The following TMEM132D variants were observed in gnomAD, a reference collection of about 807,000 sequenced individuals.
TMEM132D encodes transmembrane protein 132D, also known as mature OL transmembrane protein.
In TMEM132D, 21 loss-of-function variants were observed where a neutral mutation model predicts 62.3. That is an observed-to-expected ratio of 0.34 (90% CI 0.24 to 0.49). The LOEUF is 0.49. Among genes scored for constraint, TMEM132D ranks in the 20% least tolerant of loss-of-function variants. The probability of loss-of-function intolerance (pLI) is 0.99; values close to 1 mark genes in which losing one functional copy is unlikely to be tolerated. For synonymous variants in TMEM132D, 621 were observed against 575.6 expected (o/e 1.08, Z -1.13); for missense variants, 1,346 against 1,402.8 (o/e 0.96, Z 0.65).
intron 4 of TMEM132D, among the ~76,000 whole-genome samples, chr12:129,284,684 T>C (rs73422215): frequency 0.045 from 6,800 of 152,284 alleles, 472 homozygotes; most frequent in African/African-American, 0.15. Context: ...GGCGGATGCA[T>C]GGATTAACAA....
chr12:129,784,519 C>T (rs2137293429), intron 1 of TMEM132D, among the ~76,000 whole-genome samples: 1 of 152,278 alleles, frequency 6.6e-6, no homozygotes, highest in Admixed American at 6.5e-5. Context: ...TCTTTGCATG[C>T]CTTAGGGCTA....
chr12:129,470,714 C>G lies in TMEM132D; in HGVS notation c.1115+60345G>C, dbSNP rs527382515. On this transcript the variant is annotated intron_variant, in intron 3 of 8. Coordinates refer to ENST00000422113, the MANE Select transcript of TMEM132D (RefSeq NM_133448.3). ...CAACATGAAAATTATTTTTACAATT[C>G]TATAAACTGCTTCTGACATAAGAAA... 3.6e-4 allele frequency among the ~76,000 whole-genome samples: 55 copies of G among 152,280 alleles called. 1 individual carries two copies. Among genetic ancestry groups the G allele is most frequent in the Admixed American group, 2.5e-3 (38 of 15,292 alleles).
At chr12:129,861,209 T>C (rs1192842454) in intron 1 of TMEM132D, among the ~76,000 whole-genome samples, 1 of 151,044 alleles carries the variant, frequency 6.6e-6, no homozygotes, top group Admixed American at 6.6e-5. Flanking sequence ...TTTTAACAGT[T>C]AGAAATAGAT....
At chr12:129,377,695 T>C (rs1196597343) in intron 3 of TMEM132D, among the ~76,000 whole-genome samples, 2 of 152,174 alleles carry the variant, frequency 1.3e-5, no homozygotes, top group African/African-American at 4.8e-5. Context: ...TTGTGGTGAG[T>C]GTAAATCTTT....
At chr12:129,737,463 C>G (rs1252377451) in intron 1 of TMEM132D, among the ~76,000 whole-genome samples, 1 of 152,188 alleles carries the variant, frequency 6.6e-6, no homozygotes, top group Non-Finnish European at 1.5e-5. Context: ...GATAAGGAAT[C>G]TCCAGGCTTG....
chr12:129,414,575 T>C (rs1038500949), intron 3 of TMEM132D, among the ~76,000 whole-genome samples: 1 of 152,238 alleles, frequency 6.6e-6, no homozygotes, highest in Non-Finnish European at 1.5e-5. Context: ...GATAGACACA[T>C]ATGTTGTGAA....
At chr12:129,529,020 G>A (rs1388416685) in intron 3 of TMEM132D, among the ~76,000 whole-genome samples, 1 of 152,158 alleles carries the variant, frequency 6.6e-6, no homozygotes, top group Admixed American at 6.5e-5. Flanking sequence ...ATAATATGCT[G>A]TATGCATGTA....
intron 2 of TMEM132D, among the ~76,000 whole-genome samples, chr12:129,663,213 C>G (rs1337149200): frequency 6.6e-6 from 1 of 152,176 alleles, no homozygotes; most frequent in Non-Finnish European, 1.5e-5. Flanking sequence ...TCTTGGCTCT[C>G]CGCAGCCTCC....
chr12:129,821,511 C>T (rs1385129768), intron 1 of TMEM132D, among the ~76,000 whole-genome samples: 3 of 152,192 alleles, frequency 2.0e-5, no homozygotes, highest in Non-Finnish European at 2.9e-5. Flanking sequence ...GTCTGCACAT[C>T]GGTTGCCTGG....
chr12:129,833,112 T>C (rs906817565), intron 1 of TMEM132D, among the ~76,000 whole-genome samples: 8 of 152,222 alleles, frequency 5.3e-5, no homozygotes, highest in Non-Finnish European at 1.2e-4. Context: ...TGGTTTAGTG[T>C]GTGCTCCACA....
intron 1 of TMEM132D, among the ~76,000 whole-genome samples, chr12:129,772,870 C>T (rs1383440825): frequency 6.6e-6 from 1 of 152,216 alleles, no homozygotes; most frequent in Non-Finnish European, 1.5e-5. Flanking sequence ...GCTCGGACTT[C>T]CTCCCACATC....
At position 129,082,004 on chromosome 12, in the gene TMEM132D, C is replaced by G. The variant is rs374617296; in HGVS notation, c.1678G>C (p.Asp560His). Reference protein sequence around the residue: ...RPAGDSEEEEDDERRGRGCTL... With the variant: ...RPAGDSEEEEHDERRGRGCTL... The stretch of plus-strand genomic sequence containing the variant: ...CAGCCGCGGCCCCTCCGCTCATCAT[C>G]CTCCTCCTCTTCACTGTCCCCGGCA... The change falls in exon 7 of 9, where the codon GAT (aspartate) becomes CAT (histidine). Residue 560 changes from aspartate to histidine, a missense_variant. Physicochemically the swap from Asp to His is moderately conservative, Grantham distance 81. Transcript: ENST00000422113. 2 of 1,611,104 alleles carry G rather than the reference C, an allele frequency of 1.2e-6. No individual in the cohort carries two copies. Among genetic ancestry groups the G allele is most frequent in the Non-Finnish European group, 1.7e-6 (2 of 1,178,138 alleles).
At chr12:129,888,823 C>T (rs770448621) in intron 1 of TMEM132D, among the ~76,000 whole-genome samples, 3 of 152,206 alleles carry the variant, frequency 2.0e-5, no homozygotes, top group African/African-American at 4.8e-5. Context: ...AACTCTTCCC[C>T]TACTTTCATA....
intron 4 of TMEM132D, among the ~76,000 whole-genome samples, chr12:129,291,148 TCAGTCAATGGGGCACGGC>T (rs766906379): frequency 2.0e-5 from 3 of 152,186 alleles, no homozygotes; most frequent in Non-Finnish European, 4.4e-5. Flanking sequence ...AAACTCCCCA[TCAGTCAATGGGGCACGGC>T]TGGAGAAATA....
intron 4 of TMEM132D, among the ~76,000 whole-genome samples, chr12:129,288,056 T>C (rs190563949): frequency 1.6e-4 from 25 of 152,362 alleles, no homozygotes; most frequent in African/African-American, 6.0e-4. Flanking sequence ...TGTAAGTTTT[T>C]AAAACCTGGA....
At chr12:129,678,177 A>T (rs1036296489) in intron 2 of TMEM132D, among the ~76,000 whole-genome samples, 1 of 152,138 alleles carries the variant, frequency 6.6e-6, no homozygotes, top group African/African-American at 2.4e-5. Flanking sequence ...TTTCTCTCAG[A>T]CACCTTAGAA....
At chr12:129,607,441 G>A (rs893528918) in intron 2 of TMEM132D, among the ~76,000 whole-genome samples, 2 of 152,214 alleles carry the variant, frequency 1.3e-5, no homozygotes, top group Non-Finnish European at 2.9e-5. Flanking sequence ...CCACCTGCAA[G>A]GCTGACCTCA....
rs1209553353 is a variant in TMEM132D at position 129,371,605 on chromosome 12, A to G, written c.1116-33788T>C. The stretch of plus-strand genomic sequence containing the variant: ...ATGATAGTAACAATGATCATGGCAG[A>G]TTGTGGTGATGATGATGGTGGTGAT... On this transcript the variant is annotated intron_variant, in intron 3 of 8. Transcript: ENST00000422113. The surrounding 1 kb of genome is among the most constrained non-coding windows in gnomAD (Gnocchi z 4.3). 6.6e-6 allele frequency among the ~76,000 whole-genome samples: 1 copy of G among 151,482 alleles called. No homozygotes were observed. Among genetic ancestry groups the G allele is most frequent in the Admixed American group, 6.6e-5 (1 of 15,208 alleles).
At chr12:129,519,601 A>T (rs148226005) in intron 3 of TMEM132D, among the ~76,000 whole-genome samples, 1 of 125,452 alleles carries the variant, frequency 8.0e-6, no homozygotes, top group Non-Finnish European at 1.7e-5. Context: ...CCAAAAACAG[A>T]TAAGAATGCT....
Sources: allele counts gnomAD v4.1 joint callset (sites outside exome capture counted in the v4.1 genomes callset), GRCh38; gene constraint gnomAD v4.1.1; non-coding constraint Gnocchi (gnomAD v3.1); transcripts MANE v1.5; gene names NCBI Gene and HGNC (gene_info 2026-07-23, HGNC 2026-07-21).